Variants in PCDHGB3 observed in about 807,000 individuals in gnomAD.
PCDHGB3 encodes protocadherin gamma-B3.
In PCDHGB3, 40 loss-of-function variants were observed where a neutral mutation model predicts 59.2. The observed-to-expected ratio is 0.68, with a 90% CI of 0.52 to 0.88. The LOEUF (loss-of-function observed/expected upper bound fraction) is 0.88. PCDHGB3 is among the 40% of genes least tolerant of loss of function. The pLI, the probability that PCDHGB3 is intolerant of heterozygous loss-of-function variation, is 0.00. For synonymous variants in PCDHGB3, 581 were observed against 503.6 expected, an observed-to-expected ratio of 1.15 and a Z score of -2.06; for missense variants, 1,309 against 1,187.9, an observed-to-expected ratio of 1.10 and a Z score of -1.50.
Position 141,394,674 on chromosome 5 carries a change from C to A in PCDHGB3, c.2415+21865C>A, listed in dbSNP as rs1236446796. ...CGAGCCGGGACTCTTCTCGGTGGGT[C>A]TGCACACGGGCGAGGTGCGCACGGC... On this transcript the variant is annotated intron_variant, in intron 1 of 3. Coordinates refer to ENST00000576222, the MANE Select transcript of PCDHGB3 (RefSeq NM_018924.5). 5.0e-6 allele frequency: 8 copies of A among 1,612,640 alleles called. No homozygotes were observed. The highest frequency in any genetic ancestry group is 6.8e-6 in the Non-Finnish European group (8 of 1,179,760).
At chr5:141,506,805 G>A (rs1314432893) in intron 3 of PCDHGB3, among the ~76,000 whole-genome samples, 1 of 152,172 alleles carries the variant, frequency 6.6e-6, no homozygotes, top group African/African-American at 2.4e-5. Flanking sequence ...GAGGATCAAG[G>A]CATTGCCCTA....
At position 141,373,993 on chromosome 5, in the gene PCDHGB3, G is replaced by A. The variant is rs1770007177; in HGVS notation, c.2415+1184G>A. ...TCGCATCCGGTCTCTGCTTGTTGAAGGACCTTCACCGCTATTTCTGAGAAG... is the reference window on the plus strand; with the variant it reads ...TCGCATCCGGTCTCTGCTTGTTGAAAGACCTTCACCGCTATTTCTGAGAAG... On this transcript the variant is annotated intron_variant, in intron 1 of 3. Coordinates refer to ENST00000576222, the MANE Select transcript of PCDHGB3 (RefSeq NM_018924.5). 3 of 1,234,728 alleles carry A rather than the reference G, an allele frequency of 2.4e-6. No homozygotes were observed. The Admixed American group carries it at 1.0e-4, about 42-fold the overall frequency. The allele number at this position is 1,234,728 out of a possible 1,614,324, so 76.5% of individuals were successfully genotyped here. A position where few individuals can be genotyped will look rare whatever the true frequency, so the allele number is the denominator to read the frequency against.
At chr5:141,414,151 G>T in intron 1 of PCDHGB3, 2 of 1,600,336 alleles carry the variant, frequency 1.2e-6, no homozygotes, top group East Asian at 2.3e-5. Flanking sequence ...AATACAAGCA[G>T]AAGATGGAGG....
At chr5:141,375,665 C>A in intron 1 of PCDHGB3, 1 of 1,614,242 alleles carries the variant, frequency 6.2e-7, no homozygotes, top group Non-Finnish European at 8.5e-7. Flanking sequence ...GTTGAGAGAC[C>A]TACAGCTGTG....
chr5:141,413,881 G>C (rs774026375), intron 1 of PCDHGB3: 5 of 1,613,400 alleles, frequency 3.1e-6, no homozygotes, highest in Non-Finnish European at 4.2e-6. Context: ...CAGTGTGACT[G>C]TCTTCGATGC....
intron 1 of PCDHGB3, among the ~76,000 whole-genome samples, chr5:141,402,212 A>T (rs1282581389): frequency 6.6e-6 from 1 of 152,138 alleles, no homozygotes; most frequent in Non-Finnish European, 1.5e-5. Context: ...ACAAAAATTT[A>T]AAATAAACGT....
intron 1 of PCDHGB3, chr5:141,412,074 A>G (rs751287485): frequency 2.0e-5 from 3 of 152,184 alleles, no homozygotes; most frequent in Non-Finnish European, 4.4e-5. Context: ...TGAGGGAACA[A>G]TTGCTACTGG....
chr5:141,441,565 C>T (rs1049476318), intron 1 of PCDHGB3: 62 of 200,838 alleles, frequency 3.1e-4, no homozygotes, highest in African/African-American at 1.4e-3. Context: ...CAAGTAGACA[C>T]CTCCAACCTA....
At chr5:141,457,878 C>A (rs1263626843) in intron 1 of PCDHGB3, among the ~76,000 whole-genome samples, 1 of 152,190 alleles carries the variant, frequency 6.6e-6, no homozygotes, top group East Asian at 1.9e-4. Context: ...GGTTAGGAAC[C>A]CTGTGTGGGG....
Position 141,486,650 on chromosome 5 carries a change from T to C in PCDHGB3, c.2416-8157T>C, listed in dbSNP as rs1321605826. On this transcript the variant is annotated intron_variant, in intron 1 of 3. Coordinates refer to ENST00000576222, the MANE Select transcript of PCDHGB3 (RefSeq NM_018924.5). The surrounding 1 kb of genome is among the most constrained non-coding windows in gnomAD (Gnocchi z 5.0). ...TGGCTTGAATGCGCTTATCTCCTAC[T>C]CACTCCTGGAGCCCAGGAATCGAGA... is the stretch of plus-strand genomic sequence containing the variant. The C allele has an allele frequency of 6.2e-7, 1 of 1,613,834 alleles. No individual in the cohort carries two copies. Among genetic ancestry groups the C allele is most frequent in the African/African-American group, 1.3e-5 (1 of 74,938 alleles).
At chr5:141,398,775 C>T in intron 1 of PCDHGB3, 1 of 1,613,926 alleles carries the variant, frequency 6.2e-7, no homozygotes, top group African/African-American at 1.3e-5. Flanking sequence ...CTGCCTTGGA[C>T]GGTGGACATC....
Position 141,398,701 on chromosome 5 carries a change from C to T in PCDHGB3, c.2415+25892C>T, listed in dbSNP as rs757215015. On this transcript the variant is annotated intron_variant, in intron 1 of 3. Transcript: ENST00000576222. Reference sequence around the variant, plus strand: ...GGAGAAACAGGATGGTAGTAAATACCCGGAACTGGCACTGGAGAAAACCTT... The same window carrying T: ...GGAGAAACAGGATGGTAGTAAATACTCGGAACTGGCACTGGAGAAAACCTT... The T allele has an allele frequency of 1.2e-5, 20 of 1,613,658 alleles. No homozygotes were observed. In the Admixed American group the frequency reaches 3.3e-4, roughly 27 times the overall value.
At position 141,490,543 on chromosome 5, in the gene PCDHGB3, C is replaced by T; in HGVS notation, c.2416-4264C>T. 2 of 1,614,188 alleles carry T rather than the reference C, an allele frequency of 1.2e-6. No homozygotes were observed. Among genetic ancestry groups the T allele is most frequent in the Non-Finnish European group, 8.5e-7 (1 of 1,180,024 alleles). On this transcript the variant is annotated intron_variant, in intron 1 of 3. Transcript: ENST00000576222. The surrounding 1 kb of genome is among the most constrained non-coding windows in gnomAD (Gnocchi z 5.4). ...CAGCGATGCTGGTTCACCTTCCCTA[C>T]ACAAACATCTCACCATCAGGCTCAA...
At chr5:141,399,450 C>T in intron 1 of PCDHGB3, 3 of 1,614,018 alleles carry the variant, frequency 1.9e-6, no homozygotes, top group Non-Finnish European at 1.7e-6. Context: ...TCAGAGACGT[C>T]AACGATAACG....
rs537334679 is a variant in PCDHGB3 at position 141,413,479 on chromosome 5, C to G, written c.2415+40670C>G. ...GATAGACCGGGAGGAGCTCTGCGCTCAGAGCGCGCGGTGCGTGGTGAGTTT... is the reference window on the plus strand; with the variant it reads ...GATAGACCGGGAGGAGCTCTGCGCTGAGAGCGCGCGGTGCGTGGTGAGTTT... On this transcript the variant is annotated intron_variant, in intron 1 of 3. Coordinates refer to ENST00000576222, the MANE Select transcript of PCDHGB3 (RefSeq NM_018924.5). 4.3e-6 allele frequency: 7 copies of G among 1,614,084 alleles called. No individual in the cohort carries two copies. In the African/African-American group the frequency reaches 6.7e-5, roughly 15 times the overall value.
At chr5:141,457,439 C>T (rs2098920819) in intron 1 of PCDHGB3, among the ~76,000 whole-genome samples, 1 of 152,194 alleles carries the variant, frequency 6.6e-6, no homozygotes, top group Non-Finnish European at 1.5e-5. Context: ...CACCAAGCTG[C>T]AGAAGATCAC....
chr5:141,375,054 G>C, intron 1 of PCDHGB3: 6 of 1,614,004 alleles, frequency 3.7e-6, no homozygotes, highest in South Asian at 1.1e-5. Context: ...GCCCGGGATG[G>C]GCCAGGTCTT....
At chr5:141,395,633 G>T (rs1448678453) in intron 1 of PCDHGB3, 1 of 179,296 alleles carries the variant, frequency 5.6e-6, no homozygotes, top group African/African-American at 2.4e-5. Context: ...GAAGTCTAAA[G>T]CCTTGTTATT....
Position 141,511,231 on chromosome 5 carries a change from C to T in PCDHGB3, c.*58C>T. On this transcript the variant is annotated 3_prime_UTR_variant, in exon 4 of 4. Coordinates refer to ENST00000576222, the MANE Select transcript of PCDHGB3 (RefSeq NM_018924.5). ...CTCTCCCCAACCAGCCCAGCTTCTC[C>T]TTACCTGCACCCAGGCCTCAGAGTT... 2 of 1,595,900 alleles carry T rather than the reference C, an allele frequency of 1.3e-6. No individual in the cohort carries two copies. The highest frequency in any genetic ancestry group is 2.2e-5 in the South Asian group (2 of 88,992).
Sources: gnomAD v4.1 joint callset for allele counts (sites outside exome capture counted in the v4.1 genomes callset) on GRCh38, gnomAD v4.1.1 for gene constraint, Gnocchi (gnomAD v3.1) non-coding constraint, MANE v1.5 for transcripts, NCBI Gene and HGNC (gene_info 2026-07-23, HGNC 2026-07-21) for gene names.